The following MDGA2 variants were observed in gnomAD, a reference collection of about 807,000 sequenced individuals.
MDGA2 encodes the protein MAM domain containing glycosylphosphatidylinositol anchor 2.
MDGA2 carries 40 observed loss-of-function variants against 117.8 expected under a neutral mutation model. The ratio of observed to expected loss-of-function variants is 0.34; its 90% CI spans 0.26 to 0.44. The LOEUF (loss-of-function observed/expected upper bound fraction) is 0.44. Ranked by LOEUF, MDGA2 falls within the 20% of genes least tolerant of loss-of-function variation. The probability of loss-of-function intolerance (pLI) is 1.00; values close to 1 mark genes in which losing one functional copy is unlikely to be tolerated. For missense variants in MDGA2, 1,123 were observed against 1,250.6 expected (o/e 0.90, Z 1.54); for synonymous variants, 452 against 439.0 (o/e 1.03, Z -0.37).
At chr14:47,305,571 T>G (rs144446647) in intron 1 of MDGA2, among the ~76,000 whole-genome samples, 1 of 152,148 alleles carries the variant, frequency 6.6e-6, no homozygotes, top group Non-Finnish European at 1.5e-5. Context: ...TCTGGAGAAA[T>G]AGTACAAATA....
intron 1 of MDGA2, among the ~76,000 whole-genome samples, chr14:47,430,618 C>A (rs1892780131): frequency 6.6e-6 from 1 of 152,052 alleles, no homozygotes; most frequent in Admixed American, 6.6e-5. Flanking sequence ...ATTACAAATA[C>A]TGCTCCAATC....
At chr14:47,120,328 G>A (rs1271819198) in intron 5 of MDGA2, among the ~76,000 whole-genome samples, 1 of 152,100 alleles carries the variant, frequency 6.6e-6, no homozygotes, top group Non-Finnish European at 1.5e-5. Context: ...GTGACACAGG[G>A]TGCCTATCAA....
chr14:47,507,657 T>C (rs1440062475), intron 1 of MDGA2, among the ~76,000 whole-genome samples: 2 of 152,218 alleles, frequency 1.3e-5, no homozygotes, highest in Non-Finnish European at 2.9e-5. Flanking sequence ...TCCCTAGTGA[T>C]ATAGGTAATG....
intron 7 of MDGA2, among the ~76,000 whole-genome samples, chr14:47,047,417 A>G (rs1021140295): frequency 3.3e-5 from 5 of 152,130 alleles, no homozygotes; most frequent in Admixed American, 2.0e-4. Flanking sequence ...AGTGTCCTCT[A>G]AACACTTTGA....
At chr14:47,238,042 C>T (rs992729318) in intron 2 of MDGA2, among the ~76,000 whole-genome samples, 1 of 152,144 alleles carries the variant, frequency 6.6e-6, no homozygotes, top group African/African-American at 2.4e-5. Flanking sequence ...TCAAGGCAAA[C>T]CTACCTTCCT....
chr14:47,479,205 T>C (rs1232943558), intron 1 of MDGA2, among the ~76,000 whole-genome samples: 1 of 152,140 alleles, frequency 6.6e-6, no homozygotes, highest in East Asian at 1.9e-4. Context: ...ATATTCAATC[T>C]GAACATAACT....
intron 3 of MDGA2, among the ~76,000 whole-genome samples, chr14:47,183,698 T>A (rs575151696): frequency 6.6e-6 from 1 of 152,180 alleles, no homozygotes; most frequent in South Asian, 2.1e-4. Flanking sequence ...AACACATACA[T>A]ATGCATAGCA....
chr14:47,664,624 T>C (rs1897908804), intron 1 of MDGA2, among the ~76,000 whole-genome samples: 1 of 152,152 alleles, frequency 6.6e-6, no homozygotes, highest in Non-Finnish European at 1.5e-5. Flanking sequence ...TACCCAACAG[T>C]TTTCAACTAC....
intron 6 of MDGA2, among the ~76,000 whole-genome samples, chr14:47,089,983 C>T (rs10134816): frequency 0.33 from 50,476 of 152,018 alleles, 8,955 homozygotes; most frequent in East Asian, 0.52. Context: ...TATTACTATT[C>T]TCTAAACATA....
At chr14:46,847,905 G>T (rs996058210) in intron 15 of MDGA2, among the ~76,000 whole-genome samples, 4 of 151,968 alleles carry the variant, frequency 2.6e-5, no homozygotes, top group African/African-American at 9.7e-5. Context: ...TTTCCAAAAA[G>T]TAGGTTTTTA....
At chr14:47,342,332 TATAA>T (rs897048008) in intron 1 of MDGA2, among the ~76,000 whole-genome samples, 3 of 149,056 alleles carry the variant, frequency 2.0e-5, no homozygotes, top group African/African-American at 7.3e-5. Context: ...ATATAACATA[TATAA>T]ATATGTGTGT....
intron 10 of MDGA2, among the ~76,000 whole-genome samples, chr14:46,905,621 C>T (rs1595035258): frequency 6.6e-6 from 1 of 152,084 alleles, no homozygotes; most frequent in African/African-American, 2.4e-5. Flanking sequence ...CAATATGTTA[C>T]AAAAATATTG....
chr14:47,213,973 G>C (rs1198831968), intron 3 of MDGA2, among the ~76,000 whole-genome samples: 2 of 152,070 alleles, frequency 1.3e-5, no homozygotes, highest in Non-Finnish European at 2.9e-5. Flanking sequence ...TTTTTGGCGA[G>C]TAGTAGCCAG....
chr14:47,560,066 C>T (rs1410910583), intron 1 of MDGA2, among the ~76,000 whole-genome samples: 2 of 150,664 alleles, frequency 1.3e-5, no homozygotes, highest in East Asian at 1.9e-4. Flanking sequence ...CATCTGTTAT[C>T]TTAGGATTTT....
intron 1 of MDGA2, among the ~76,000 whole-genome samples, chr14:47,643,922 C>A (rs1299299718): frequency 7.2e-5 from 11 of 152,072 alleles, no homozygotes; most frequent in Admixed American, 7.2e-4. Flanking sequence ...ACTGAGCACT[C>A]TCCTTGTTCA....
At chr14:47,424,380 G>A (rs950390028) in intron 1 of MDGA2, among the ~76,000 whole-genome samples, 3 of 150,678 alleles carry the variant, frequency 2.0e-5, no homozygotes, top group African/African-American at 7.3e-5. Flanking sequence ...CCATGATCAC[G>A]CCACTGCCCT....
At chr14:47,577,613 A>G (rs1661497565) in intron 1 of MDGA2, among the ~76,000 whole-genome samples, 2 of 152,212 alleles carry the variant, frequency 1.3e-5, no homozygotes, top group African/African-American at 4.8e-5. Flanking sequence ...ACCCCATCAA[A>G]AAGTGGGCAA....
chr14:46,905,767 T>A (rs1305843665), intron 10 of MDGA2, among the ~76,000 whole-genome samples: 3 of 152,060 alleles, frequency 2.0e-5, no homozygotes, highest in African/African-American at 7.2e-5. Flanking sequence ...TTCATTGAAA[T>A]CTTTGAAAAT....
Position 47,080,738 on chromosome 14 carries a change from C to A in MDGA2, c.1195+16116G>T, listed in dbSNP as rs576567735. ...CTTTCTAGCCTTTTCCATTGTGTTT[C>A]ATAATGATCCATTCTTTGTCCCATT... On this transcript the variant is annotated intron_variant, in intron 6 of 16. Coordinates refer to ENST00000399232, the MANE Select transcript of MDGA2 (RefSeq NM_001113498.3). 1.8e-4 allele frequency among the ~76,000 whole-genome samples: 28 copies of A among 152,268 alleles called. No individual in the cohort carries two copies. The South Asian group carries it at 3.7e-3, about 20-fold the overall frequency.
Sources: gnomAD v4.1 joint callset for allele counts (sites outside exome capture counted in the v4.1 genomes callset) on GRCh38, gnomAD v4.1.1 for gene constraint, MANE v1.5 for transcripts, NCBI Gene and HGNC (gene_info 2026-07-23, HGNC 2026-07-21) for gene names.